Variants in RAP1A observed in about 807,000 individuals in gnomAD.
RAP1A encodes the protein RAP1A, member of RAS oncogene family, also known as ras-related protein Rap-1A.
RAP1A carries 6 observed loss-of-function variants against 26.4 expected under a neutral mutation model. The observed-to-expected ratio is 0.23, with a 90% CI of 0.12 to 0.45. RAP1A has a LOEUF of 0.45. Among genes scored for constraint, RAP1A ranks in the 20% least tolerant of loss-of-function variants. The pLI is 0.99. For synonymous variants in RAP1A, 73 were observed against 79.4 expected (o/e 0.92, Z 0.43); for missense variants, 121 against 217.2 (o/e 0.56, Z 2.78).
chr1:111,580,662 G>C (rs755169484), intron 1 of RAP1A, among the ~76,000 whole-genome samples: 5 of 151,986 alleles, frequency 3.3e-5, no homozygotes, highest in South Asian at 2.1e-4. Context: ...GCCTGGCCAA[G>C]ATGGTGAAAC....
chr1:111,683,072 G>C (rs1294961537), intron 1 of RAP1A, among the ~76,000 whole-genome samples: 2 of 152,026 alleles, frequency 1.3e-5, no homozygotes, highest in African/African-American at 4.8e-5. Context: ...ATGACTACTG[G>C]GTAGATAACA....
At chr1:111,672,603 C>T (rs576175590) in intron 1 of RAP1A, among the ~76,000 whole-genome samples, 30 of 152,108 alleles carry the variant, frequency 2.0e-4, no homozygotes, top group African/African-American at 7.0e-4. Context: ...GCACGGCAGC[C>T]TAACACTTAG....
intron 7 of RAP1A, among the ~76,000 whole-genome samples, chr1:111,710,461 T>C (rs1662342003): frequency 6.6e-6 from 1 of 152,214 alleles, no homozygotes; most frequent in Non-Finnish European, 1.5e-5. Context: ...TAAAAGATTA[T>C]TTTCATGGAG....
At chr1:111,563,976 A>G (rs762899000) in intron 1 of RAP1A, 1 of 1,571,444 alleles carries the variant, frequency 6.4e-7, no homozygotes, top group Non-Finnish European at 8.8e-7. Flanking sequence ...GGTCTCTACC[A>G]ACTGCCACAG....
chr1:111,659,361 T>C (rs1240602990), intron 1 of RAP1A, among the ~76,000 whole-genome samples: 4 of 152,172 alleles, frequency 2.6e-5, no homozygotes, highest in Admixed American at 1.3e-4. Flanking sequence ...CTCAATATTG[T>C]AATATTTTTC....
At chr1:111,648,331 G>C in intron 1 of RAP1A, 1 of 807,772 alleles carries the variant, frequency 1.2e-6, no homozygotes. Flanking sequence ...ATACCACTTT[G>C]CCATCCACTA....
Position 111,651,500 on chromosome 1 carries a change from A to C in RAP1A, c.-28+31566A>C, listed in dbSNP as rs1181391746. Among the ~76,000 whole-genome samples, 6 of 138,476 alleles carry C rather than the reference A, an allele frequency of 4.3e-5. No individual in the cohort carries two copies. The East Asian group carries it at 1.2e-3, about 29-fold the overall frequency. The allele number at this position is 138,476 out of a possible 152,430, so 90.8% of individuals were successfully genotyped here. A position where few individuals can be genotyped will look rare whatever the true frequency, so the allele number is the denominator to read the frequency against. On this transcript the variant is annotated intron_variant, in intron 1 of 7. Transcript: ENST00000369709. ...TTTTTTTTTTTTTTTTTTTTTAGAC[A>C]GAGTCTCGCTCTGTTACCCAGGCTA...
chr1:111,686,984 T>C (rs1039022654), intron 1 of RAP1A, among the ~76,000 whole-genome samples: 1 of 152,062 alleles, frequency 6.6e-6, no homozygotes, highest in Non-Finnish European at 1.5e-5. Context: ...TTTTTTCCTA[T>C]ATCCATATTT....
At chr1:111,677,972 C>T (rs944551461) in intron 1 of RAP1A, among the ~76,000 whole-genome samples, 3 of 152,200 alleles carry the variant, frequency 2.0e-5, no homozygotes, top group South Asian at 4.1e-4. Flanking sequence ...TGCTGTGTTT[C>T]GACTTCTGGA....
At chr1:111,660,844 C>T (rs1660612683) in intron 1 of RAP1A, among the ~76,000 whole-genome samples, 1 of 152,202 alleles carries the variant, frequency 6.6e-6, no homozygotes, top group Non-Finnish European at 1.5e-5. Flanking sequence ...CCTACTTGTT[C>T]CTTATCGAAG....
rs182749480 is a variant in RAP1A, at chr1:111,561,759, T to C, written c.-28+19250T>C. Reference sequence around the variant, plus strand: ...GTGTGTGTATTTGTGTGTATGTGTGTGTACGTATAATTGGAAGAGGGCCCT... The same window carrying C: ...GTGTGTGTATTTGTGTGTATGTGTGCGTACGTATAATTGGAAGAGGGCCCT... On this transcript the variant is annotated intron_variant, in intron 1 of 7. Coordinates refer to the RAP1A transcript ENST00000356415. 3.3e-5 allele frequency among the ~76,000 whole-genome samples: 5 copies of C among 152,312 alleles called. No individual in the cohort carries two copies. The East Asian group carries it at 7.7e-4, about 23-fold the overall frequency.
chr1:111,644,669 A>T (rs1464903531), intron 1 of RAP1A, among the ~76,000 whole-genome samples: 1 of 152,206 alleles, frequency 6.6e-6, no homozygotes, highest in Non-Finnish European at 1.5e-5. Flanking sequence ...TTGATATCTC[A>T]CATAGATGGT....
intron 1 of RAP1A, among the ~76,000 whole-genome samples, chr1:111,626,021 C>G (rs1012409269): frequency 6.6e-6 from 1 of 152,162 alleles, no homozygotes; most frequent in Non-Finnish European, 1.5e-5. Context: ...TTGATGGATA[C>G]TGAGATGTGA....
At chr1:111,585,004 C>T (rs532047559) in intron 1 of RAP1A, among the ~76,000 whole-genome samples, 5 of 152,212 alleles carry the variant, frequency 3.3e-5, no homozygotes, top group Admixed American at 2.0e-4. Context: ...TATTAGGAGC[C>T]GCAGATGGCA....
intron 1 of RAP1A, among the ~76,000 whole-genome samples, chr1:111,571,596 AT>A (rs1237299715): frequency 6.6e-6 from 1 of 152,236 alleles, no homozygotes; most frequent in Non-Finnish European, 1.5e-5. Flanking sequence ...CTAAAACTAA[AT>A]ATATTTTTTA....
intron 1 of RAP1A, among the ~76,000 whole-genome samples, chr1:111,636,241 A>G (rs1162247391): frequency 1.3e-5 from 2 of 152,100 alleles, no homozygotes; most frequent in East Asian, 3.8e-4. Context: ...TCATCCTAGA[A>G]TTAAAAACTG....
At chr1:111,596,396 G>A (rs889672375) in intron 1 of RAP1A, among the ~76,000 whole-genome samples, 3 of 152,160 alleles carry the variant, frequency 2.0e-5, no homozygotes, top group African/African-American at 7.2e-5. Flanking sequence ...TATGGTTGAT[G>A]GAAATGGAAA....
intron 1 of RAP1A, among the ~76,000 whole-genome samples, chr1:111,553,133 G>A (rs1275891445): frequency 1.3e-5 from 2 of 152,224 alleles, no homozygotes; most frequent in African/African-American, 4.8e-5. Flanking sequence ...CATCTTGTAA[G>A]CAGAGGCACA....
chr1:111,655,337 C>A (rs1022061016), intron 1 of RAP1A, among the ~76,000 whole-genome samples: 1 of 147,660 alleles, frequency 6.8e-6, no homozygotes. Context: ...TGAGGGAAAA[C>A]GGGATAATCA....
Sources: allele counts gnomAD v4.1 joint callset (sites outside exome capture counted in the v4.1 genomes callset), GRCh38; gene constraint gnomAD v4.1.1; transcripts MANE v1.5; gene names NCBI Gene and HGNC (gene_info 2026-07-23, HGNC 2026-07-21).